SHROOM2: variants seen among roughly 807,000 people sequenced by gnomAD.
SHROOM2 encodes shroom family member 2, also known as protein Shroom2.
A neutral mutation model predicts 75.9 loss-of-function variants in SHROOM2; 33 were observed. The ratio of observed to expected loss-of-function variants is 0.43; its 90% CI spans 0.33 to 0.58. SHROOM2 has a LOEUF of 0.58. SHROOM2 is among the 20% of genes least tolerant of loss of function. The pLI is 0.04. For missense variants in SHROOM2, 1,434 were observed against 1,461.2 expected, an observed-to-expected ratio of 0.98 and a Z score of 0.30; for synonymous variants, 655 against 663.6, an observed-to-expected ratio of 0.99 and a Z score of 0.20.
rs1295941992 is a variant in SHROOM2, at chrX:9,949,173, A to G, written c.*2236A>G. 1.6e-5 allele frequency: 4 copies of G among 248,256 alleles called. No homozygotes were observed. The highest frequency in any genetic ancestry group is 3.1e-5 in the Non-Finnish European group (4 of 130,376). The allele number at this position is 248,256 out of a possible 1,213,427, so 20.5% of individuals were successfully genotyped here. A position where few individuals can be genotyped will look rare whatever the true frequency, so the allele number is the denominator to read the frequency against. On this transcript the variant is annotated 3_prime_UTR_variant, in exon 10 of 10. Coordinates refer to ENST00000380913, the MANE Select transcript of SHROOM2 (RefSeq NM_001649.4). ...GGGGACCCAAAGATTCTAGTGAGTC[A>G]ACATCCATAACTCTGTATCTAGTTG...
chrX:9,835,479 G>A (rs1054471072), intron 1 of SHROOM2, among the ~76,000 whole-genome samples: 1 of 112,377 alleles, frequency 8.9e-6, no homozygotes, highest in Non-Finnish European at 1.9e-5. Context: ...TTAGGAAAAC[G>A]TTAATTCTTA....
Position 9,932,057 on chromosome X carries a change from C to T in SHROOM2, c.2892-118C>T, listed in dbSNP as rs2084653026. 4 of 641,933 alleles carry T rather than the reference C, an allele frequency of 6.2e-6. No homozygotes were observed. In the Admixed American group the frequency reaches 1.4e-4, roughly 22 times the overall value. The allele number at this position is 641,933 out of a possible 1,213,427, so 52.9% of individuals were successfully genotyped here. On this transcript the variant is annotated intron_variant, in intron 5 of 9. Transcript: ENST00000380913. ...CGGTGGCGACAGGTGTGGGAAAGTG[C>T]ATATGGATTTAACTCCTGAAAGTGG...
At position 9,946,988 on chromosome X, in the gene SHROOM2, C is replaced by G. The variant is rs750473786; in HGVS notation, c.*51C>G. On this transcript the variant is annotated 3_prime_UTR_variant, in exon 10 of 10. Coordinates refer to ENST00000380913, the MANE Select transcript of SHROOM2 (RefSeq NM_001649.4). ...GCACGGGGCCTCCGAGCTCCAGCTC[C>G]GTTCCCAAGGATACTCGTGAAGACC... 7 of 1,113,177 alleles carry G rather than the reference C, an allele frequency of 6.3e-6. No individual in the cohort carries two copies. The highest frequency in any genetic ancestry group is 8.4e-6 in the Non-Finnish European group (7 of 834,813). The allele number at this position is 1,113,177 out of a possible 1,213,427, so 91.7% of individuals were successfully genotyped here.
intron 5 of SHROOM2, among the ~76,000 whole-genome samples, chrX:9,914,935 CCAGTTTGCTGCCAGTG>C (rs903474509): frequency 1.4e-4 from 16 of 111,370 alleles, no homozygotes; most frequent in Non-Finnish European, 3.0e-4. Context: ...CATCCCTTAT[CCAGTTTGCTGCCAGTG>C]CAGTGAGAAG....
Position 9,825,527 on chromosome X carries a change from C to CCT in SHROOM2, c.165+38820_165+38821dup, listed in dbSNP as rs1335864971. 2.7e-5 allele frequency among the ~76,000 whole-genome samples: 3 copies of CCT among 112,403 alleles called. No homozygotes were observed. In the Admixed American group the frequency reaches 2.8e-4, roughly 11 times the overall value. On this transcript the variant is annotated intron_variant, in intron 1 of 9. Coordinates refer to ENST00000380913, the MANE Select transcript of SHROOM2 (RefSeq NM_001649.4). ...AGAAAGTGACATTGTAACTTCCCCT[C>CCT]CTCTTCGCATGTTTACATCCACACT...
intron 2 of SHROOM2, among the ~76,000 whole-genome samples, chrX:9,887,171 A>T (rs2084265547): frequency 8.9e-6 from 1 of 112,284 alleles, no homozygotes; most frequent in South Asian, 3.7e-4. Flanking sequence ...CTGCTGGTTT[A>T]GGTTAATGTT....
intron 1 of SHROOM2, chrX:9,819,247 C>G: frequency 1.2e-6 from 1 of 807,188 alleles, no homozygotes; most frequent in Non-Finnish European, 1.8e-6. Flanking sequence ...TCCAATATGT[C>G]TTGCAGCTTA....
At chrX:9,840,851 G>A (rs2083975745) in intron 1 of SHROOM2, among the ~76,000 whole-genome samples, 1 of 112,413 alleles carries the variant, frequency 8.9e-6, no homozygotes, top group Non-Finnish European at 1.9e-5. Context: ...TGGTTCTTCT[G>A]TAGTGAATAT....
rs770470469 is a variant in SHROOM2 at position 9,894,767 on chromosome X, G to A, written c.859G>A (p.Glu287Lys). The change falls in exon 4 of 10, where the codon GAG becomes AAG. Residue 287 changes from glutamate (E) to lysine (K), a missense_variant. Around this residue, in one of 3 missense-constraint regions of SHROOM2, gnomAD observed 1,340 missense variants for 1,338.3 expected, o/e 1.00. Transcript: ENST00000380913. ...GKGPRPEYNA[E>K]PKLAAPGRSN... ...AGGCCCCAGGCCAGAGTACAATGCC[G>A]AGCCCAAGCTGGCTGCCCCTGGGAG... The A allele has an allele frequency of 2.6e-5, 32 of 1,210,319 alleles. No homozygotes were observed. The East Asian group carries it at 6.2e-4, about 24-fold the overall frequency.
At position 9,949,323 on chromosome X, in the gene SHROOM2, T is replaced by A. The variant is rs1214227076; in HGVS notation, c.*2386T>A. ...CTGCCTATGGGGGGTGGCCTGTGGC[T>A]TGTATCCTTCAGTCCACCACAGCAA... On this transcript the variant is annotated 3_prime_UTR_variant, in exon 10 of 10. Transcript: ENST00000380913. The A allele has an allele frequency of 3.0e-6, 1 of 331,083 alleles. No homozygotes were observed. The allele number at this position is 331,083 out of a possible 1,213,427, so 27.3% of individuals were successfully genotyped here. A position where few individuals can be genotyped will look rare whatever the true frequency, so the allele number is the denominator to read the frequency against.
At chrX:9,901,179 T>G (rs751212947) in intron 5 of SHROOM2, among the ~76,000 whole-genome samples, 1 of 111,176 alleles carries the variant, frequency 9.0e-6, no homozygotes, top group South Asian at 3.8e-4. Flanking sequence ...TTTGTATCAT[T>G]TCTTCTTATA....
At position 9,932,262 on chromosome X, in the gene SHROOM2, T is replaced by C; in HGVS notation, c.2979T>C (p.Ser993=). 8.5e-7 allele frequency: 1 copy of C among 1,182,529 alleles called. No homozygotes were observed. Among genetic ancestry groups the C allele is most frequent in the Non-Finnish European group, 1.1e-6 (1 of 880,300 alleles). ...AGGCACCGAACCCACCCACATTCTC[T>C]GAACTATCTCACTGCCGGGGAGCCC... is the stretch of plus-strand genomic sequence containing the variant. ...SQKAPNPPTF[S]ELSHCRGAPE... is the part of the protein sequence containing the mutation. Residue 993 remains serine (S), a synonymous_variant, in exon 6 of 10, where the codon TCT becomes TCC. Transcript: ENST00000380913.
intron 1 of SHROOM2, among the ~76,000 whole-genome samples, chrX:9,796,279 C>T (rs1393726059): frequency 9.2e-6 from 1 of 109,160 alleles, no homozygotes; most frequent in Non-Finnish European, 1.9e-5. Context: ...AAAAATTAGC[C>T]AGGCAAGGTG....
Position 9,834,768 on chromosome X carries a change from A to G in SHROOM2, c.166-38884A>G, listed in dbSNP as rs759406295. 4.2e-4 allele frequency among the ~76,000 whole-genome samples: 47 copies of G among 111,776 alleles called. 1 individual carries two copies. The highest frequency in any genetic ancestry group is 1.0e-3 in the Admixed American group (11 of 10,569). On this transcript the variant is annotated intron_variant, in intron 1 of 9. Transcript: ENST00000380913. The stretch of plus-strand genomic sequence containing the variant: ...GGTTCACCTTTTACCTTGATCTCCC[A>G]GGGTCAAGAGATTCTCCCACTTGGG...
chrX:9,884,368 C>CTTTTTTTT (rs1181815816), intron 2 of SHROOM2, among the ~76,000 whole-genome samples: 3 of 62,277 alleles, frequency 4.8e-5, no homozygotes, highest in Non-Finnish European at 6.2e-5. Flanking sequence ...TTTTTCTTTT[C>CTTTTTTTT]TTTTTTTTTT....
intron 1 of SHROOM2, among the ~76,000 whole-genome samples, chrX:9,789,378 C>G (rs896360023): frequency 9.0e-6 from 1 of 110,844 alleles, no homozygotes; most frequent in African/African-American, 3.3e-5. Flanking sequence ...CATCACTCCT[C>G]AGTACGTTTC....
chrX:9,793,879 T>C (rs1248915520), intron 1 of SHROOM2, among the ~76,000 whole-genome samples: 1 of 109,145 alleles, frequency 9.2e-6, no homozygotes, highest in African/African-American at 3.3e-5. Flanking sequence ...TGAGTAGCTG[T>C]GACTACAGGT....
intron 6 of SHROOM2, among the ~76,000 whole-genome samples, chrX:9,933,820 C>T (rs1209512863): frequency 8.9e-6 from 1 of 112,182 alleles, no homozygotes; most frequent in African/African-American, 3.2e-5. Context: ...ACAAATACCA[C>T]CTCCTTGAGT....
At chrX:9,902,231 G>A (rs983600290) in intron 5 of SHROOM2, among the ~76,000 whole-genome samples, 1 of 109,171 alleles carries the variant, frequency 9.2e-6, no homozygotes, top group African/African-American at 3.3e-5. Flanking sequence ...AAGTGGGTGG[G>A]TGGGAGGATG....
Sources: allele counts gnomAD v4.1 joint callset (sites outside exome capture counted in the v4.1 genomes callset), GRCh38; gene constraint gnomAD v4.1.1; regional missense constraint gnomAD v4.1.1; transcripts MANE v1.5; gene names NCBI Gene and HGNC (gene_info 2026-07-23, HGNC 2026-07-21).